RSBN1L: variants seen among roughly 807,000 people sequenced by gnomAD.
RSBN1L encodes the protein round spermatid basic protein 1 like.
Under a neutral mutation model 67.7 loss-of-function variants are expected in RSBN1L, and 30 were observed. The observed-to-expected ratio is 0.44, with a 90% CI of 0.33 to 0.60. The LOEUF is 0.60. Among genes scored for constraint, RSBN1L ranks in the 20% least tolerant of loss-of-function variants. RSBN1L has a pLI of 0.02. For missense variants in RSBN1L, 992 were observed against 1,031.7 expected, an observed-to-expected ratio of 0.96 and a Z score of 0.53; for synonymous variants, 433 against 387.0, an observed-to-expected ratio of 1.12 and a Z score of -1.39.
At chr7:77,750,630 A>G (rs1243918878) in intron 3 of RSBN1L, among the ~76,000 whole-genome samples, 1 of 152,200 alleles carries the variant, frequency 6.6e-6, no homozygotes, top group Non-Finnish European at 1.5e-5. Flanking sequence ...AGCAGACAGA[A>G]TAGAGTCTGC....
chr7:77,720,825 G>A (rs1397075090), intron 1 of RSBN1L, among the ~76,000 whole-genome samples: 7 of 140,080 alleles, frequency 5.0e-5, no homozygotes, highest in Non-Finnish European at 9.0e-5. Context: ...GAGTGCAGTG[G>A]TGTGATCCTG....
chr7:77,714,970 A>G (rs1791026977), intron 1 of RSBN1L, among the ~76,000 whole-genome samples: 1 of 151,600 alleles, frequency 6.6e-6, no homozygotes, highest in Non-Finnish European at 1.5e-5. Flanking sequence ...AAAAAAAAAA[A>G]AAAAAAAAAT....
intron 1 of RSBN1L, among the ~76,000 whole-genome samples, chr7:77,718,993 G>A (rs146651505): frequency 6.6e-6 from 1 of 152,250 alleles, no homozygotes; most frequent in East Asian, 1.9e-4. Context: ...AGTTGTTTCA[G>A]GACCATTCCA....
chr7:77,759,374 C>A (rs1164917679), intron 3 of RSBN1L, among the ~76,000 whole-genome samples: 1 of 152,054 alleles, frequency 6.6e-6, no homozygotes, highest in African/African-American at 2.4e-5. Context: ...ATAATACTTT[C>A]GTTCTTATTT....
In RSBN1L at chr7:77,782,415, C is replaced by T. The variant is rs184175552; in HGVS notation, c.*3247C>T. The T allele has an allele frequency of 2.6e-5, 4 of 152,128 alleles. No individual in the cohort carries two copies. Among genetic ancestry groups the T allele is most frequent in the Admixed American group, 2.6e-4 (4 of 15,278 alleles). 9.4% of individuals were successfully genotyped at this position (152,128 alleles called of 1,614,324 possible). On this transcript the variant is annotated 3_prime_UTR_variant, in exon 8 of 8. Coordinates refer to ENST00000334955, the MANE Select transcript of RSBN1L (RefSeq NM_198467.3). ...TGCTACAGTGCTTCCCCCTCCCTACCCCTCCATTTTGTTTATAACCTTTTA... is the reference window on the plus strand; with the variant it reads ...TGCTACAGTGCTTCCCCCTCCCTACTCCTCCATTTTGTTTATAACCTTTTA...
chr7:77,727,302 G>A (rs1791217146), intron 1 of RSBN1L, among the ~76,000 whole-genome samples: 2 of 151,774 alleles, frequency 1.3e-5, no homozygotes, highest in Admixed American at 1.3e-4. Flanking sequence ...GGTGAGGCTG[G>A]TCTCGAACTC....
chr7:77,740,985 CTTTTTTTTT>C (rs869081974), intron 2 of RSBN1L, among the ~76,000 whole-genome samples: 3 of 102,926 alleles, frequency 2.9e-5, no homozygotes, highest in Non-Finnish European at 5.7e-5. Context: ...CTTTTCTTTT[CTTTTTTTTT>C]TTTTTTTTTT....
rs1554338354 is a variant in RSBN1L at position 77,725,243 on chromosome 7, A to AATTTTTTTTTTTTTTTTTTTTTTTTTTT, written c.587-11167_587-11166insATTTTTTTTTTTTTTTTTTTTTTTTTTT. ...TTTCTTCCCTAGGGATAAGCCCCCCACTTTTTTTTTTTTTTTTTTTTTGAG... is the reference window on the plus strand; with the variant it reads ...TTTCTTCCCTAGGGATAAGCCCCCCAATTTTTTTTTTTTTTTTTTTTTTTTTTTCTTTTTTTTTTTTTTTTTTTTTGAG... On this transcript the variant is annotated intron_variant, in intron 1 of 7. Coordinates refer to ENST00000334955, the MANE Select transcript of RSBN1L (RefSeq NM_198467.3). Among the ~76,000 whole-genome samples the AATTTTTTTTTTTTTTTTTTTTTTTTTTT allele has an allele frequency of 6.2e-4, 36 of 57,876 alleles. 1 individual carries two copies. Among genetic ancestry groups the AATTTTTTTTTTTTTTTTTTTTTTTTTTT allele is most frequent in the African/African-American group, 2.9e-3 (33 of 11,298 alleles). 38.0% of individuals were successfully genotyped at this position (57,876 alleles called of 152,430 possible).
chr7:77,768,705 T>A lies in RSBN1L; in HGVS notation c.1527T>A (p.Ser509Arg). 1 of 1,613,686 alleles carries A rather than the reference T, an allele frequency of 6.2e-7. No homozygotes were observed. Among genetic ancestry groups the A allele is most frequent in the East Asian group, 2.2e-5 (1 of 44,856 alleles). ...WGTLSSLKLQ[S>R]RKDSDDGPIM... ...CGCTATCTAGTCTAAAATTACAGAGTCGAAAAGATAGTGATGATGGTCCCA... is the reference window on the plus strand; with the variant it reads ...CGCTATCTAGTCTAAAATTACAGAGACGAAAAGATAGTGATGATGGTCCCA... Residue 509 changes from serine to arginine, a missense_variant, in exon 5 of 8, where the codon AGT (serine) becomes AGA (arginine). Coordinates refer to ENST00000334955, the MANE Select transcript of RSBN1L (RefSeq NM_198467.3).
chr7:77,711,825 A>G (rs574492354), intron 1 of RSBN1L, among the ~76,000 whole-genome samples: 33 of 152,292 alleles, frequency 2.2e-4, no homozygotes, highest in African/African-American at 7.7e-4. Context: ...GCATATTTCC[A>G]TATATATAGA....
At chr7:77,729,207 T>C (rs566263002) in intron 1 of RSBN1L, among the ~76,000 whole-genome samples, 3 of 152,164 alleles carry the variant, frequency 2.0e-5, no homozygotes, top group Admixed American at 6.5e-5. Flanking sequence ...GTAAGAGTTA[T>C]TAACTTTCTT....
Position 77,749,536 on chromosome 7 carries a change from T to C in RSBN1L, c.816T>C (p.Tyr272=). Residue 272 remains tyrosine, a synonymous_variant, in exon 3 of 8, where the codon TAT becomes TAC. Transcript: ENST00000334955. ...ENEKRKRPKM[Y]SKSIQTICSG... is the part of the protein sequence containing the mutation. Reference sequence around the variant, plus strand: ...AAAAACGGAAGCGTCCGAAAATGTATAGCAAATCTATTCAGACCATCTGCT... The same window carrying C: ...AAAAACGGAAGCGTCCGAAAATGTACAGCAAATCTATTCAGACCATCTGCT... 6.2e-7 allele frequency: 1 copy of C among 1,612,418 alleles called. No homozygotes were observed. Among genetic ancestry groups the C allele is most frequent in the Non-Finnish European group, 8.5e-7 (1 of 1,179,670 alleles).
At chr7:77,727,367 G>A (rs981017649) in intron 1 of RSBN1L, among the ~76,000 whole-genome samples, 5 of 152,156 alleles carry the variant, frequency 3.3e-5, no homozygotes, top group Admixed American at 2.6e-4. Flanking sequence ...GATTACAGGC[G>A]TGAGCCACCA....
chr7:77,774,014 G>C (rs941782207), intron 6 of RSBN1L, among the ~76,000 whole-genome samples: 1 of 152,090 alleles, frequency 6.6e-6, no homozygotes, highest in Admixed American at 6.6e-5. Context: ...CAGTCATATA[G>C]TTAATAAATG....
chr7:77,742,203 A>ACACACC, intron 2 of RSBN1L, among the ~76,000 whole-genome samples: 1 of 149,266 alleles, frequency 6.7e-6, no homozygotes, highest in Non-Finnish European at 1.5e-5. Flanking sequence ...ACACACACAC[A>ACACACC]CACACACACA....
chr7:77,723,727 A>C (rs1038540883), intron 1 of RSBN1L, among the ~76,000 whole-genome samples: 1 of 152,024 alleles, frequency 6.6e-6, no homozygotes, highest in Non-Finnish European at 1.5e-5. Context: ...CAAGGTTAGG[A>C]GTTCAAGACC....
In RSBN1L at chr7:77,696,994, G is replaced by T; in HGVS notation, c.525G>T (p.Gly175=). ...EKERRRHGLG[G]AREAGGASRE... is the part of the protein sequence containing the mutation. Reference sequence around the variant, plus strand: ...AGAGGAGGAGGCACGGTCTCGGTGGGGCCCGAGAGGCCGGCGGGGCCTCCC... The same window carrying T: ...AGAGGAGGAGGCACGGTCTCGGTGGTGCCCGAGAGGCCGGCGGGGCCTCCC... Residue 175 remains glycine (G), a synonymous_variant, in exon 1 of 8, where the codon GGG becomes GGT. Transcript: ENST00000334955. The T allele has an allele frequency of 6.5e-7, 1 of 1,537,338 alleles. No homozygotes were observed.
At chr7:77,705,244 C>G (rs1394994697) in intron 1 of RSBN1L, among the ~76,000 whole-genome samples, 2 of 152,058 alleles carry the variant, frequency 1.3e-5, no homozygotes, top group Admixed American at 1.3e-4. Context: ...GTCCAGCATA[C>G]CTGTTATCAT....
chr7:77,712,136 T>C (rs1006534899), intron 1 of RSBN1L, among the ~76,000 whole-genome samples: 3 of 152,096 alleles, frequency 2.0e-5, no homozygotes, highest in Non-Finnish European at 2.9e-5. Context: ...TAAAAATAAT[T>C]CAAATTTTAG....
Sources: gnomAD v4.1 joint callset for allele counts (sites outside exome capture counted in the v4.1 genomes callset) on GRCh38, gnomAD v4.1.1 for gene constraint, MANE v1.5 for transcripts, NCBI Gene and HGNC (gene_info 2026-07-23, HGNC 2026-07-21) for gene names.